SLC39A11: variants seen among roughly 807,000 people sequenced by gnomAD.
SLC39A11 encodes the protein zinc transporter ZIP11.
Under a neutral mutation model 36.1 loss-of-function variants are expected in SLC39A11, and 33 were observed. The ratio of observed to expected loss-of-function variants is 0.91; its 90% CI spans 0.69 to 1.22. The LOEUF is 1.22. Among genes scored for constraint, SLC39A11 ranks in the 50% most tolerant of loss-of-function variants. SLC39A11 has a pLI of 0.00. For missense variants in SLC39A11, 432 were observed against 430.3 expected (o/e 1.00, Z -0.03); for synonymous variants, 166 against 170.3 (o/e 0.97, Z 0.20).
intron 5 of SLC39A11, among the ~76,000 whole-genome samples, chr17:72,898,547 TCTGATTTCATTGAAAA>T (rs2082146875): frequency 6.6e-6 from 1 of 152,112 alleles, no homozygotes; most frequent in Admixed American, 6.5e-5. Context: ...AGGCAGGGAT[TCTGATTTCATTGAAAA>T]CTCTTCAGCT....
chr17:73,028,837 G>A (rs1037262048), intron 4 of SLC39A11, among the ~76,000 whole-genome samples: 1 of 150,062 alleles, frequency 6.7e-6, no homozygotes, highest in Non-Finnish European at 1.5e-5. Context: ...CACTGCTGCA[G>A]CCGGGCACGG....
At chr17:72,708,736 A>C (rs2072993477) in intron 7 of SLC39A11, among the ~76,000 whole-genome samples, 1 of 152,156 alleles carries the variant, frequency 6.6e-6, no homozygotes, top group East Asian at 1.9e-4. Context: ...TTCCCAACCC[A>C]TGACTGAGCA....
intron 4 of SLC39A11, among the ~76,000 whole-genome samples, chr17:72,950,023 T>C (rs2085754314): frequency 1.3e-5 from 2 of 151,466 alleles, no homozygotes; most frequent in African/African-American, 2.4e-5. Flanking sequence ...ACTGTCATGA[T>C]GATGAGAGTT....
intron 4 of SLC39A11, among the ~76,000 whole-genome samples, chr17:72,998,048 G>A (rs973373515): frequency 6.6e-5 from 10 of 152,240 alleles, no homozygotes; most frequent in African/African-American, 2.4e-4. Context: ...ATAAATTCAT[G>A]CCAGTTTTGC....
At chr17:73,033,617 C>T (rs1303566971) in intron 3 of SLC39A11, among the ~76,000 whole-genome samples, 2 of 152,168 alleles carry the variant, frequency 1.3e-5, no homozygotes, top group Non-Finnish European at 2.9e-5. Context: ...AAACTAAACA[C>T]TCATCCATGG....
At chr17:72,991,599 T>TCCCCCC (rs113884833) in intron 4 of SLC39A11, among the ~76,000 whole-genome samples, 3 of 150,630 alleles carry the variant, frequency 2.0e-5, no homozygotes, top group African/African-American at 7.4e-5. Flanking sequence ...TCTCAGATAA[T>TCCCCCC]CCCCCCGCCT....
chr17:72,849,684 C>T lies in SLC39A11; in HGVS notation c.551G>A (p.Trp184Ter), dbSNP rs1387408695. Residue 184 changes from tryptophan to a stop codon, truncating the protein, a stop_gained, in exon 6 of 10, where the codon TGG (tryptophan) becomes TAG (stop). Coordinates refer to ENST00000255559, the MANE Select transcript of SLC39A11 (RefSeq NM_139177.4). LOFTEE classifies it high-confidence loss of function. ...CAAGATGAGCAGTGCGATCCTCCTC[C>T]AGCTGCTGCCGCCGGGCTGTGCCAG... The part of the protein sequence containing the change: ...GNLAQPGGSS[W>*]RRIALLILAI... 49 of 1,608,426 alleles carry T rather than the reference C, an allele frequency of 3.0e-5. No individual in the cohort carries two copies. The highest frequency in any genetic ancestry group is 3.9e-5 in the Non-Finnish European group (46 of 1,177,748).
At chr17:72,733,286 G>A (rs555287063) in intron 7 of SLC39A11, among the ~76,000 whole-genome samples, 1 of 152,306 alleles carries the variant, frequency 6.6e-6, no homozygotes, top group Admixed American at 6.5e-5. Context: ...GTTTGTTTGT[G>A]GTGGGACATC....
intron 7 of SLC39A11, among the ~76,000 whole-genome samples, chr17:72,699,363 A>G (rs1400520471): frequency 6.6e-6 from 1 of 152,210 alleles, no homozygotes; most frequent in African/African-American, 2.4e-5. Flanking sequence ...CCTGGGCTGC[A>G]TGTGACCTGT....
chr17:72,892,935 G>A (rs568433024), intron 5 of SLC39A11, among the ~76,000 whole-genome samples: 2 of 152,210 alleles, frequency 1.3e-5, no homozygotes, highest in African/African-American at 4.8e-5. Flanking sequence ...TATTTTCCAG[G>A]GTAGGTTCTC....
chr17:73,030,612 C>T (rs1391465849), intron 4 of SLC39A11, among the ~76,000 whole-genome samples: 2 of 152,200 alleles, frequency 1.3e-5, no homozygotes, highest in Non-Finnish European at 1.5e-5. Flanking sequence ...AGAGAGTTCT[C>T]CCTGCACCAC....
rs754772145 is a variant in SLC39A11 at position 72,947,786 on chromosome 17, C to G, written c.396G>C (p.Leu132=). ...KKKSDPEGPA[L]LFPESELSIR... is the part of the protein sequence containing the mutation. ...TGGAAAGTTCACTCTCAGGGAAGAG[C>G]AGCGCGGGACCCTCAGGATCAGACT... Residue 132 remains leucine (L), a synonymous_variant, in exon 5 of 10, where the codon CTG becomes CTC. Coordinates refer to ENST00000255559, the MANE Select transcript of SLC39A11 (RefSeq NM_139177.4). 4.3e-6 allele frequency: 7 copies of G among 1,614,044 alleles called. No individual in the cohort carries two copies. The African/African-American group carries it at 8.0e-5, about 18-fold the overall frequency.
At chr17:72,807,579 G>A (rs533846162) in intron 6 of SLC39A11, among the ~76,000 whole-genome samples, 39 of 152,278 alleles carry the variant, frequency 2.6e-4, no homozygotes, top group African/African-American at 9.4e-4. Context: ...GGATTCGAAG[G>A]AGGCTGGATA....
intron 6 of SLC39A11, among the ~76,000 whole-genome samples, chr17:72,789,216 G>T (rs1468283150): frequency 6.6e-6 from 1 of 152,108 alleles, no homozygotes. Context: ...TGTGTTTTTA[G>T]CAGAGGCGGG....
chr17:72,761,343 G>T (rs1404150208), intron 6 of SLC39A11, among the ~76,000 whole-genome samples: 1 of 152,058 alleles, frequency 6.6e-6, no homozygotes, highest in Non-Finnish European at 1.5e-5. Flanking sequence ...TCGAACTCCT[G>T]ACCTCAGGTG....
intron 3 of SLC39A11, among the ~76,000 whole-genome samples, chr17:73,058,009 CTTTTT>C (rs11322974): frequency 4.2e-5 from 5 of 118,506 alleles, no homozygotes; most frequent in African/African-American, 1.5e-4. Flanking sequence ...GTTTTAGACT[CTTTTT>C]TTTTTTTTTT....
chr17:72,842,078 A>ATGTGTGTGTGTGTGTG (rs61185081), intron 6 of SLC39A11, among the ~76,000 whole-genome samples: 65 of 148,898 alleles, frequency 4.4e-4, no homozygotes, highest in African/African-American at 1.4e-3. Flanking sequence ...TCAAAAAACT[A>ATGTGTGTGTGTGTGTG]TGTGTGTGTG....
At chr17:72,843,763 G>A (rs553287488) in intron 6 of SLC39A11, among the ~76,000 whole-genome samples, 9 of 152,314 alleles carry the variant, frequency 5.9e-5, no homozygotes, top group South Asian at 2.1e-4. Flanking sequence ...GTGAGATGGT[G>A]TATAGCTCTT....
chr17:72,897,123 C>A, intron 5 of SLC39A11, among the ~76,000 whole-genome samples: 1 of 142,204 alleles, frequency 7.0e-6, no homozygotes, highest in Non-Finnish European at 1.5e-5. Flanking sequence ...ACTCCAACAA[C>A]AGAAATTTGG....
Sources: gnomAD v4.1 joint callset for allele counts (sites outside exome capture counted in the v4.1 genomes callset) on GRCh38, gnomAD v4.1.1 for gene constraint, MANE v1.5 for transcripts, NCBI Gene and HGNC (gene_info 2026-07-23, HGNC 2026-07-21) for gene names.